UBXN2A: variants seen among roughly 807,000 people sequenced by gnomAD.
UBXN2A encodes the protein UBX domain-containing protein 2A.
A neutral mutation model predicts 28.4 loss-of-function variants in UBXN2A; 28 were observed. The observed-to-expected ratio is 0.99, with a 90% CI of 0.73 to 1.35. UBXN2A has a LOEUF of 1.35. Ranked by LOEUF, UBXN2A falls within the 40% of genes most tolerant of loss-of-function variation. UBXN2A has a pLI of 0.00. For synonymous variants in UBXN2A, 97 were observed against 103.6 expected (o/e 0.94, Z 0.39); for missense variants, 253 against 297.9 (o/e 0.85, Z 1.11).
chr2:23,927,801 C>T (rs1308096076), intron 1 of UBXN2A, among the ~76,000 whole-genome samples: 1 of 152,086 alleles, frequency 6.6e-6, no homozygotes, highest in African/African-American at 2.4e-5. Flanking sequence ...ATTAAGAATA[C>T]AAAAAGCTGA....
chr2:23,961,603 A>G (rs1404352203), intron 2 of UBXN2A, among the ~76,000 whole-genome samples: 1 of 123,144 alleles, frequency 8.1e-6, no homozygotes, highest in Non-Finnish European at 1.6e-5. Flanking sequence ...GCTGGAGCGC[A>G]ATGGCATGAT....
chr2:23,936,149 C>G (rs1325576402), upstream of UBXN2A, among the ~76,000 whole-genome samples: 1 of 151,928 alleles, frequency 6.6e-6, no homozygotes, highest in Non-Finnish European at 1.5e-5. Context: ...ACTTGTATAC[C>G]AAAGTCCATA....
rs772354852 is a variant in UBXN2A at position 23,999,861 on chromosome 2, G to C, written c.774G>C (p.Glu258Asp). 3 of 1,610,096 alleles carry C rather than the reference G, an allele frequency of 1.9e-6. No individual in the cohort carries two copies. The highest frequency in any genetic ancestry group is 2.5e-6 in the Non-Finnish European group (3 of 1,178,492). The change falls in exon 7 of 7, where the codon GAG (glutamate) becomes GAC (aspartate). Residue 258 changes from glutamate (E) to aspartate (D), a missense_variant. By Grantham distance (45) the Glu-to-Asp change is conservative. Coordinates refer to ENST00000309033, the MANE Select transcript of UBXN2A (RefSeq NM_181713.4). ...CTGCATCTTTTAGAGAACTTTCAGAGCACTGATTTTTGATAGACTAAGTGG... is the reference window on the plus strand; with the variant it reads ...CTGCATCTTTTAGAGAACTTTCAGACCACTGATTTTTGATAGACTAAGTGG... The part of the protein sequence containing the change: ...QKTASFRELS[E>D]H
At chr2:23,957,584 C>T (rs561448176) in intron 1 of UBXN2A, among the ~76,000 whole-genome samples, 1 of 152,138 alleles carries the variant, frequency 6.6e-6, no homozygotes, top group South Asian at 2.1e-4. Flanking sequence ...CCTGTAATCC[C>T]AGGACTTTGA....
intron 1 of UBXN2A, among the ~76,000 whole-genome samples, chr2:23,948,254 C>CTTTTTTTT (rs60805838): frequency 3.9e-5 from 5 of 129,188 alleles, no homozygotes; most frequent in Admixed American, 8.0e-5. Flanking sequence ...TTTTCTTTTT[C>CTTTTTTTT]TTTTTTTTTT....
Position 24,003,825 on chromosome 2 carries a change from AAG to A in UBXN2A, c.*3960_*3961del, listed in dbSNP as rs1484892772. The A allele has an allele frequency of 6.6e-6, 1 of 152,154 alleles. No homozygotes were observed. The highest frequency in any genetic ancestry group is 2.4e-5 in the African/African-American group (1 of 41,456). 9.4% of individuals were successfully genotyped at this position (152,154 alleles called of 1,614,324 possible). On this transcript the variant is annotated 3_prime_UTR_variant, in exon 7 of 7. Transcript: ENST00000309033. Reference sequence around the variant, plus strand: ...ACAGTTAATACATGTTCAGGAATCTAAGAAAATGTTTCATATAGGCCTATCAT... The same window carrying A: ...ACAGTTAATACATGTTCAGGAATCTAAAAATGTTTCATATAGGCCTATCAT...
chr2:23,953,968 A>T (rs1379773589), intron 1 of UBXN2A, among the ~76,000 whole-genome samples: 3 of 152,158 alleles, frequency 2.0e-5, no homozygotes, highest in Non-Finnish European at 4.4e-5. Context: ...CATTGCCTAG[A>T]TTCATTATTG....
chr2:23,987,614 T>C (rs1401777768), intron 6 of UBXN2A, among the ~76,000 whole-genome samples: 1 of 151,514 alleles, frequency 6.6e-6, no homozygotes, highest in Middle Eastern at 3.2e-3. Context: ...CCATCTCTAC[T>C]AAAAATACAA....
rs73922022 is a variant in UBXN2A at position 23,958,165 on chromosome 2, T to C, written c.-14-136T>C. On this transcript the variant is annotated intron_variant, in intron 1 of 6. Transcript: ENST00000309033. The stretch of plus-strand genomic sequence containing the variant: ...ATTTTCTATCATTGCTTTATTTTGA[T>C]GATGAAAATGACAGCTTTGAGTTTG... The C allele has an allele frequency of 2.6e-4, 135 of 514,826 alleles. 1 individual carries two copies. In the Middle Eastern group the frequency reaches 2.7e-3, roughly 10 times the overall value. 31.9% of individuals were successfully genotyped at this position (514,826 alleles called of 1,614,324 possible).
At chr2:23,979,697 T>C (rs1290004373) in intron 4 of UBXN2A, among the ~76,000 whole-genome samples, 5 of 152,110 alleles carry the variant, frequency 3.3e-5, no homozygotes, top group Non-Finnish European at 7.3e-5. Flanking sequence ...GCCTCCCAAA[T>C]AGCTGGAACG....
intron 1 of UBXN2A, among the ~76,000 whole-genome samples, chr2:23,934,671 G>A (rs749518073): frequency 1.1e-4 from 16 of 152,144 alleles, no homozygotes; most frequent in Non-Finnish European, 1.5e-4. Context: ...AAATTACTCA[G>A]TCTGTACACT....
At chr2:23,944,192 T>G (rs1705917977) in intron 1 of UBXN2A, 12 of 1,455,482 alleles carry the variant, frequency 8.2e-6, no homozygotes, top group Non-Finnish European at 1.1e-5. Flanking sequence ...TGGACACAAC[T>G]AAGTTTGCAC....
intron 1 of UBXN2A, chr2:23,944,151 C>A (rs1398237313): frequency 2.9e-6 from 3 of 1,024,754 alleles, no homozygotes; most frequent in Admixed American, 3.5e-5. Flanking sequence ...ACTTGGAACT[C>A]ATTGGTCCCT....
intron 4 of UBXN2A, among the ~76,000 whole-genome samples, chr2:23,979,638 A>T (rs1306315724): frequency 6.6e-6 from 1 of 152,110 alleles, no homozygotes; most frequent in Non-Finnish European, 1.5e-5. Flanking sequence ...GCACGATCAT[A>T]GTTCATTGCA....
intron 1 of UBXN2A, among the ~76,000 whole-genome samples, chr2:23,934,974 C>G (rs1295736968): frequency 6.6e-6 from 1 of 152,080 alleles, no homozygotes. Context: ...ACTCAGGAGG[C>G]TGAGGCAGGA....
intron 1 of UBXN2A, among the ~76,000 whole-genome samples, chr2:23,935,423 C>T (rs1463783307): frequency 3.3e-5 from 5 of 151,926 alleles, no homozygotes; most frequent in Admixed American, 6.6e-5. Flanking sequence ...TTTGAAAATT[C>T]GCAAGGAGTT....
At chr2:23,951,519 G>A (rs1282835106) in intron 1 of UBXN2A, among the ~76,000 whole-genome samples, 1 of 149,216 alleles carries the variant, frequency 6.7e-6, no homozygotes, top group African/African-American at 2.5e-5. Flanking sequence ...GAAGTGCAGT[G>A]GTGCGAGCTT....
chr2:23,944,181 A>G, intron 1 of UBXN2A: 3 of 1,357,478 alleles, frequency 2.2e-6, no homozygotes, highest in Non-Finnish European at 3.1e-6. Flanking sequence ...GCCAGCACTG[A>G]TGGACACAAC....
intron 3 of UBXN2A, among the ~76,000 whole-genome samples, chr2:23,972,676 G>A (rs1324983540): frequency 6.6e-6 from 1 of 151,888 alleles, no homozygotes; most frequent in Admixed American, 6.6e-5. Flanking sequence ...ACAAAAAGTA[G>A]CCGGGTGTGG....
Sources: gnomAD v4.1 joint callset for allele counts (sites outside exome capture counted in the v4.1 genomes callset) on GRCh38, gnomAD v4.1.1 for gene constraint, MANE v1.5 for transcripts, NCBI Gene and HGNC (gene_info 2026-07-23, HGNC 2026-07-21) for gene names.